C1QTNF3: variants seen among roughly 807,000 people sequenced by gnomAD.
The protein encoded by C1QTNF3 is C1q and TNF related 3.
In C1QTNF3, 26 loss-of-function variants were observed where a neutral mutation model predicts 32.6. The observed-to-expected ratio is 0.80, with a 90% CI of 0.58 to 1.11. The LOEUF (loss-of-function observed/expected upper bound fraction) is 1.11, where lower values mean the gene tolerates loss of function less well. Ranked by LOEUF, C1QTNF3 falls within the 50% of genes least tolerant of loss-of-function variation. The probability of loss-of-function intolerance (pLI) is 0.00; values close to 1 mark genes in which losing one functional copy is unlikely to be tolerated. For synonymous variants in C1QTNF3, 155 were observed against 146.0 expected, an observed-to-expected ratio of 1.06 and a Z score of -0.44; for missense variants, 362 against 398.2, an observed-to-expected ratio of 0.91 and a Z score of 0.77.
the C1QTNF3 span, among the ~76,000 whole-genome samples, chr5:34,143,849 G>A: frequency 6.6e-6 from 1 of 152,120 alleles, no homozygotes; most frequent in Non-Finnish European, 1.5e-5. Context: ...ATAGCCCGCA[G>A]ACACTGTAAA....
the C1QTNF3 span, among the ~76,000 whole-genome samples, chr5:34,093,871 T>A: frequency 2.0e-5 from 3 of 152,138 alleles, no homozygotes; most frequent in Non-Finnish European, 4.4e-5. Flanking sequence ...GACCTTCGGG[T>A]AGGGATACCA....
the C1QTNF3 span, among the ~76,000 whole-genome samples, chr5:34,050,373 C>G: frequency 6.6e-6 from 1 of 152,184 alleles, no homozygotes; most frequent in Non-Finnish European, 1.5e-5. Context: ...TCAGATAATA[C>G]CACAAAGTGT....
chr5:34,081,244 A>G, the C1QTNF3 span, among the ~76,000 whole-genome samples: 3 of 151,768 alleles, frequency 2.0e-5, no homozygotes, highest in Non-Finnish European at 4.4e-5. Flanking sequence ...ATGAACTTCC[A>G]ATAATGAAAT....
chr5:34,051,921 C>A, the C1QTNF3 span, among the ~76,000 whole-genome samples: 1 of 152,336 alleles, frequency 6.6e-6, no homozygotes, highest in African/African-American at 2.4e-5. Flanking sequence ...GCTATGATGG[C>A]AGAGTCTCTG....
chr5:34,093,226 AT>A, the C1QTNF3 span, among the ~76,000 whole-genome samples: 1 of 149,846 alleles, frequency 6.7e-6, no homozygotes, highest in Non-Finnish European at 1.5e-5. Context: ...CTCATTTATT[AT>A]CTAGGTGTAG....
the C1QTNF3 span, chr5:34,175,614 C>T: frequency 1.3e-5 from 6 of 466,840 alleles, no homozygotes; most frequent in East Asian, 8.2e-5. Context: ...GCTTTTTGAC[C>T]GTATGTGGGA....
At chr5:34,048,179 T>C (rs1317392155), upstream of C1QTNF3, among the ~76,000 whole-genome samples, 1 of 152,088 alleles carries the variant, frequency 6.6e-6, no homozygotes, top group Non-Finnish European at 1.5e-5. Context: ...TTATAGATGT[T>C]TGCTGAAAAA....
the C1QTNF3 span, among the ~76,000 whole-genome samples, chr5:34,214,992 CT>C: frequency 6.6e-6 from 1 of 152,110 alleles, no homozygotes; most frequent in Non-Finnish European, 1.5e-5. Flanking sequence ...ATATAAATGG[CT>C]ATTAAAATTA....
chr5:34,155,284 C>T, the C1QTNF3 span, among the ~76,000 whole-genome samples: 2 of 152,060 alleles, frequency 1.3e-5, no homozygotes, highest in African/African-American at 2.4e-5. Flanking sequence ...GTTATTTGAC[C>T]GAGGCAGTTT....
At chr5:34,217,751 C>G in the C1QTNF3 span, among the ~76,000 whole-genome samples, 1 of 151,920 alleles carries the variant, frequency 6.6e-6, no homozygotes, top group African/African-American at 2.4e-5. Context: ...ATATACAATA[C>G]AGAAATTAAA....
At chr5:34,111,699 C>T in the C1QTNF3 span, among the ~76,000 whole-genome samples, 1 of 151,954 alleles carries the variant, frequency 6.6e-6, no homozygotes. Context: ...ACATTATGAG[C>T]CCAGGAACTC....
chr5:34,239,579 C>A, the C1QTNF3 span: 1 of 151,660 alleles, frequency 6.6e-6, no homozygotes, highest in South Asian at 2.1e-4. Context: ...TATGATCAAA[C>A]AAGAATACTT....
At chr5:34,088,791 C>G in the C1QTNF3 span, among the ~76,000 whole-genome samples, 5 of 152,160 alleles carry the variant, frequency 3.3e-5, no homozygotes, top group East Asian at 9.6e-4. Flanking sequence ...AGATGACTTG[C>G]GTGAGCCACC....
the C1QTNF3 span, chr5:34,175,530 A>C: frequency 9.6e-6 from 3 of 311,458 alleles, no homozygotes; most frequent in Admixed American, 4.4e-5. Flanking sequence ...TGTTTCCTTC[A>C]TCCTTGGCTA....
At chr5:34,076,328 G>C in the C1QTNF3 span, among the ~76,000 whole-genome samples, 1 of 151,444 alleles carries the variant, frequency 6.6e-6, no homozygotes, top group Non-Finnish European at 1.5e-5. Context: ...TGATCATTTA[G>C]AAAATACCTA....
chr5:34,147,194 G>A, the C1QTNF3 span, among the ~76,000 whole-genome samples: 6 of 152,304 alleles, frequency 3.9e-5, no homozygotes, highest in East Asian at 1.9e-4. Flanking sequence ...TAGGGAATGC[G>A]CATACACTGT....
chr5:34,164,691 C>T, the C1QTNF3 span: 1 of 151,948 alleles, frequency 6.6e-6, no homozygotes, highest in Non-Finnish European at 1.5e-5. Context: ...GACAGACTAA[C>T]ACCACATGGA....
chr5:34,031,967 G>A (rs1195651122), intron 3 of C1QTNF3, among the ~76,000 whole-genome samples: 1 of 152,130 alleles, frequency 6.6e-6, no homozygotes, highest in African/African-American at 2.4e-5. Flanking sequence ...CACCATACAC[G>A]CACAAATGAA....
At chr5:34,048,751 C>CT in the C1QTNF3 span, among the ~76,000 whole-genome samples, 1 of 151,700 alleles carries the variant, frequency 6.6e-6, no homozygotes, top group Non-Finnish European at 1.5e-5. Context: ...CTGTCACCCC[C>CT]TATGGGTTGA....
Sources: gnomAD v4.1 joint callset for allele counts (sites outside exome capture counted in the v4.1 genomes callset) on GRCh38, gnomAD v4.1.1 for gene constraint, MANE v1.5 for transcripts, NCBI Gene and HGNC (gene_info 2026-07-23, HGNC 2026-07-21) for gene names.